Variants in RNF19B observed in about 807,000 individuals in gnomAD.
The protein encoded by RNF19B is E3 ubiquitin-protein ligase RNF19B.
RNF19B carries 23 observed loss-of-function variants against 65.5 expected under a neutral mutation model. The observed-to-expected ratio is 0.35, with a 90% CI of 0.25 to 0.50. The LOEUF (loss-of-function observed/expected upper bound fraction) is 0.50. Ranked by LOEUF, RNF19B falls within the 20% of genes least tolerant of loss-of-function variation. The pLI is 0.98. For missense variants in RNF19B, 794 were observed against 980.0 expected (o/e 0.81, Z 2.53); for synonymous variants, 372 against 379.6 (o/e 0.98, Z 0.23).
At chr1:32,944,929 C>A (rs1642329997) in intron 5 of RNF19B, among the ~76,000 whole-genome samples, 1 of 152,080 alleles carries the variant, frequency 6.6e-6, no homozygotes, top group Non-Finnish European at 1.5e-5. Context: ...ACCTCGTGAT[C>A]CGCCCGCCTC....
intron 1 of RNF19B, among the ~76,000 whole-genome samples, chr1:32,956,103 T>A (rs575451252): frequency 1.3e-5 from 2 of 152,132 alleles, no homozygotes; most frequent in South Asian, 4.1e-4. Flanking sequence ...TGGTGGCTCA[T>A]GCCTGTAATC....
In RNF19B at chr1:32,936,898, C is replaced by T; in HGVS notation, c.2104G>A (p.Gly702Ser). The change falls in exon 9 of 9, where the codon GGT becomes AGT. Residue 702 changes from glycine (G) to serine (S), a missense_variant. By Grantham distance (56) the Gly-to-Ser change is moderately conservative. Around this residue, in one of 3 missense-constraint regions of RNF19B, gnomAD observed 368 missense variants for 447.3 expected, o/e 0.82. Coordinates refer to ENST00000235150, the MANE Select transcript of RNF19B (RefSeq NM_001300826.2). ...ATATGGGCACTTGGGCTCGGTGCAC[C>T]TTGGGCTCTGGGGGTCGAGGGGCAG... is the stretch of plus-strand genomic sequence containing the variant. Reference protein sequence around the residue: ...AACPSTPRAQGAPSPSAHMNL... With the variant: ...AACPSTPRAQSAPSPSAHMNL... 6.2e-7 allele frequency: 1 copy of T among 1,613,948 alleles called. No homozygotes were observed.
At position 32,943,999 on chromosome 1, in the gene RNF19B, A is replaced by G. The variant is rs547822451; in HGVS notation, c.1402+20T>C. On this transcript the variant is annotated intron_variant, in intron 6 of 8. Coordinates refer to ENST00000235150, the MANE Select transcript of RNF19B (RefSeq NM_001300826.2). ...TTGTATATCATAAATTCAAATGGAA[A>G]TAAACATCCTGCTTTTTACCTGTGA... 1 of 1,592,042 alleles carries G rather than the reference A, an allele frequency of 6.3e-7. No individual in the cohort carries two copies. The highest frequency in any genetic ancestry group is 2.3e-5 in the East Asian group (1 of 44,414).
At position 32,964,744 on chromosome 1, in the gene RNF19B, G is replaced by A. The variant is rs1642868883; in HGVS notation, c.-59C>T. The A allele has an allele frequency of 8.4e-6, 11 of 1,311,744 alleles. No homozygotes were observed. Among genetic ancestry groups the A allele is most frequent in the Non-Finnish European group, 1.1e-5 (11 of 1,031,844 alleles). The allele number at this position is 1,311,744 out of a possible 1,614,324, so 81.3% of individuals were successfully genotyped here. A position where few individuals can be genotyped will look rare whatever the true frequency, so the allele number is the denominator to read the frequency against. Reference sequence around the variant, plus strand: ...GCGCCGCCACAGCTCCCGCCTCAGCGCCCCTCAGCCAGCGCCCGGCCGCCG... The same window carrying A: ...GCGCCGCCACAGCTCCCGCCTCAGCACCCCTCAGCCAGCGCCCGGCCGCCG... On this transcript the variant is annotated 5_prime_UTR_variant, in exon 1 of 9. Coordinates refer to ENST00000235150, the MANE Select transcript of RNF19B (RefSeq NM_001300826.2). The surrounding 1 kb of genome is among the most constrained non-coding windows in gnomAD (Gnocchi z 6.5).
chr1:32,955,985 T>C (rs1278785006), intron 1 of RNF19B, among the ~76,000 whole-genome samples: 1 of 152,118 alleles, frequency 6.6e-6, no homozygotes, highest in Non-Finnish European at 1.5e-5. Flanking sequence ...ACCCCAGAAC[T>C]TTGTCAGGCA....
intron 1 of RNF19B, among the ~76,000 whole-genome samples, chr1:32,950,211 G>T (rs1642461210): frequency 6.6e-6 from 1 of 152,132 alleles, no homozygotes; most frequent in Admixed American, 6.5e-5. Flanking sequence ...GACCTCAGGT[G>T]ATCCACCCGC....
the RNF19B span, among the ~76,000 whole-genome samples, chr1:32,930,258 C>T: frequency 2.0e-5 from 3 of 152,052 alleles, no homozygotes; most frequent in Admixed American, 1.3e-4. Flanking sequence ...TACAGATGCA[C>T]ACCACCATGC....
At chr1:32,940,054 C>T (rs1238977718) in intron 7 of RNF19B, among the ~76,000 whole-genome samples, 12 of 152,222 alleles carry the variant, frequency 7.9e-5, no homozygotes, top group African/African-American at 2.7e-4. Context: ...CTTTGCTTTG[C>T]TGCTCCAGCT....
In RNF19B at chr1:32,964,169, G is replaced by A. The variant is rs1271638529; in HGVS notation, c.517C>T (p.His173Tyr). The A allele has an allele frequency of 6.5e-7, 1 of 1,545,116 alleles. No homozygotes were observed. The highest frequency in any genetic ancestry group is 2.0e-5 in the Admixed American group (1 of 50,536). Residue 173 changes from histidine to tyrosine, a missense_variant, in exon 1 of 9, where the codon CAC (histidine) becomes TAC (tyrosine). His to Tyr is a moderately conservative substitution (Grantham distance 83, BLOSUM62 2). This residue lies in a region of RNF19B where 374 missense variants were observed against 423.8 expected (regional missense o/e 0.88). Coordinates refer to ENST00000235150, the MANE Select transcript of RNF19B (RefSeq NM_001300826.2). The surrounding 1 kb of genome is among the most constrained non-coding windows in gnomAD (Gnocchi z 6.5). The stretch of plus-strand genomic sequence containing the variant: ...TCGGCGAGCAGCAAGCGGATGTCGT[G>A]CGGGTTGAGTCGCTCGCTGCACTCG... The part of the protein sequence containing the change: ...CPECSERLNP[H>Y]DIRLLLADPP...
intron 5 of RNF19B, among the ~76,000 whole-genome samples, chr1:32,944,656 T>C (rs1419628378): frequency 6.6e-6 from 1 of 152,072 alleles, no homozygotes; most frequent in East Asian, 1.9e-4. Context: ...TTGATTCATG[T>C]CCCAGCTAAG....
At position 32,942,543 on chromosome 1, in the gene RNF19B, G is replaced by C; in HGVS notation, c.1403-84C>G. 3.5e-6 allele frequency: 4 copies of C among 1,130,338 alleles called. No homozygotes were observed. The South Asian group carries it at 4.2e-5, about 12-fold the overall frequency. The allele number at this position is 1,130,338 out of a possible 1,614,324, so 70.0% of individuals were successfully genotyped here. A position where few individuals can be genotyped will look rare whatever the true frequency, so the allele number is the denominator to read the frequency against. On this transcript the variant is annotated intron_variant, in intron 6 of 8. Transcript: ENST00000235150. ...CATTTTCCTGCAATGACTTTTCAGA[G>C]AACTAATGTATTTACTTAATGAACA...
downstream of RNF19B, among the ~76,000 whole-genome samples, chr1:32,934,695 A>G (rs939100437): frequency 2.0e-5 from 3 of 152,082 alleles, no homozygotes; most frequent in African/African-American, 7.2e-5. Flanking sequence ...TACATAAATA[A>G]GATCTGAAAG....
Position 32,936,726 on chromosome 1 carries a change from C to G in RNF19B, c.*80G>C. On this transcript the variant is annotated 3_prime_UTR_variant, in exon 9 of 9. Coordinates refer to ENST00000235150, the MANE Select transcript of RNF19B (RefSeq NM_001300826.2). ...GTGAAATAAAATACATAAATCTCTA[C>G]CCCTTGGAAAAAAAAAAAAAAAAAT... 3.1e-6 allele frequency: 4 copies of G among 1,310,280 alleles called. No homozygotes were observed. Among genetic ancestry groups the G allele is most frequent in the Non-Finnish European group, 4.1e-6 (4 of 974,176 alleles). The allele number at this position is 1,310,280 out of a possible 1,614,324, so 81.2% of individuals were successfully genotyped here. A position where few individuals can be genotyped will look rare whatever the true frequency, so the allele number is the denominator to read the frequency against.
chr1:32,937,962 A>G (rs540541213), intron 8 of RNF19B, among the ~76,000 whole-genome samples: 1 of 152,126 alleles, frequency 6.6e-6, no homozygotes, highest in South Asian at 2.1e-4. Context: ...TACTAGTGGG[A>G]GTACCACAAT....
At chr1:32,944,348 C>T (rs1642314536) in intron 5 of RNF19B, among the ~76,000 whole-genome samples, 189 bp from the exon 6 acceptor site, 1 of 152,214 alleles carries the variant, frequency 6.6e-6, no homozygotes, top group East Asian at 1.9e-4. Flanking sequence ...GGATTAGATT[C>T]TTGGCTCCAT....
At chr1:32,955,286 C>T (rs1642608168) in intron 1 of RNF19B, among the ~76,000 whole-genome samples, 1 of 152,074 alleles carries the variant, frequency 6.6e-6, no homozygotes, top group African/African-American at 2.4e-5. Flanking sequence ...CATCACTCTG[C>T]TCTAAAGCAA....
At chr1:32,933,708 T>C (rs181717380), downstream of RNF19B, among the ~76,000 whole-genome samples, 275 of 152,336 alleles carry the variant, frequency 1.8e-3, 2 homozygotes, top group Non-Finnish European at 2.9e-3. Context: ...TCTTATATGA[T>C]ATCTAAAATC....
At chr1:32,938,969 C>T (rs1642171441) in intron 7 of RNF19B, among the ~76,000 whole-genome samples, 1 of 152,166 alleles carries the variant, frequency 6.6e-6, no homozygotes, top group Non-Finnish European at 1.5e-5. Flanking sequence ...CCTATAGATC[C>T]GAAATCATAG....
intron 1 of RNF19B, among the ~76,000 whole-genome samples, chr1:32,956,134 G>A (rs1324115780): frequency 1.3e-5 from 2 of 152,192 alleles, no homozygotes; most frequent in African/African-American, 4.8e-5. Context: ...GGGAGGCTGA[G>A]GTGGGTGGAT....
Sources: gnomAD v4.1 joint callset for allele counts (sites outside exome capture counted in the v4.1 genomes callset) on GRCh38, gnomAD v4.1.1 for gene constraint, gnomAD v4.1.1 regional missense constraint, Gnocchi (gnomAD v3.1) non-coding constraint, MANE v1.5 for transcripts, NCBI Gene and HGNC (gene_info 2026-07-23, HGNC 2026-07-21) for gene names.